Variants in KCND2 observed in about 807,000 individuals in gnomAD.
The protein encoded by KCND2 is potassium voltage-gated channel subfamily D member 2, also known as A-type voltage-gated potassium channel KCND2.
In KCND2, 16 loss-of-function variants were observed where a neutral mutation model predicts 54.4. The ratio of observed to expected loss-of-function variants is 0.29; its 90% CI spans 0.20 to 0.45. The LOEUF (loss-of-function observed/expected upper bound fraction) is 0.45, where lower values mean the gene tolerates loss of function less well. Among genes scored for constraint, KCND2 ranks in the 20% least tolerant of loss-of-function variants. KCND2 has a pLI of 1.00. For missense variants in KCND2, 486 were observed against 824.2 expected, an observed-to-expected ratio of 0.59 and a Z score of 5.02; for synonymous variants, 317 against 310.7, an observed-to-expected ratio of 1.02 and a Z score of -0.21.
At chr7:120,644,598 A>T (rs1477724462) in intron 1 of KCND2, among the ~76,000 whole-genome samples, 1 of 152,194 alleles carries the variant, frequency 6.6e-6, no homozygotes, top group African/African-American at 2.4e-5. Flanking sequence ...ACTAGTATAA[A>T]TATTCCCCCT....
At chr7:120,675,596 T>C (rs556803940) in intron 1 of KCND2, among the ~76,000 whole-genome samples, 35 of 152,194 alleles carry the variant, frequency 2.3e-4, no homozygotes, top group African/African-American at 7.9e-4. Context: ...CCCAATTCTC[T>C]GGAATACGTA....
chr7:120,631,655 T>C (rs1793235369), intron 1 of KCND2, among the ~76,000 whole-genome samples: 1 of 152,252 alleles, frequency 6.6e-6, no homozygotes, highest in East Asian at 1.9e-4. Context: ...ACAACTGTCA[T>C]TTGAACTGCA....
intron 1 of KCND2, among the ~76,000 whole-genome samples, chr7:120,405,146 G>T (rs1352204987): frequency 6.6e-6 from 1 of 151,528 alleles, no homozygotes; most frequent in Non-Finnish European, 1.5e-5. Flanking sequence ...TTTTTCAAAG[G>T]GGCCAGAATT....
At chr7:120,443,448 A>G (rs994766131) in intron 1 of KCND2, among the ~76,000 whole-genome samples, 115 of 151,814 alleles carry the variant, frequency 7.6e-4, no homozygotes, top group African/African-American at 2.7e-3. Context: ...GCCTCTTTCC[A>G]TGGAGACATT....
At chr7:120,303,839 C>A (rs986320365) in intron 1 of KCND2, among the ~76,000 whole-genome samples, 2 of 152,122 alleles carry the variant, frequency 1.3e-5, no homozygotes, top group Admixed American at 6.6e-5. Context: ...AAATATTGAA[C>A]TGACCAACAA....
intron 1 of KCND2, among the ~76,000 whole-genome samples, chr7:120,500,056 A>T (rs1348394618): frequency 6.6e-6 from 1 of 152,218 alleles, no homozygotes; most frequent in Admixed American, 6.5e-5. Flanking sequence ...CATCTTCATG[A>T]AATTATATAT....
chr7:120,353,945 C>A (rs2116389202), intron 1 of KCND2, among the ~76,000 whole-genome samples: 1 of 152,218 alleles, frequency 6.6e-6, no homozygotes, highest in East Asian at 1.9e-4. Context: ...AATGTGGATG[C>A]AGCAAAAGTT....
chr7:120,497,337 A>G (rs1464567626), intron 1 of KCND2, among the ~76,000 whole-genome samples: 1 of 152,196 alleles, frequency 6.6e-6, no homozygotes, highest in Non-Finnish European at 1.5e-5. Flanking sequence ...CAATATGGCC[A>G]CAACTGGGAA....
intron 1 of KCND2, among the ~76,000 whole-genome samples, chr7:120,419,675 TATATACATATTAC>T (rs1801581553): frequency 6.6e-6 from 1 of 152,210 alleles, no homozygotes; most frequent in South Asian, 2.1e-4. Flanking sequence ...TATATATGCA[TATATACATATTAC>T]ACATGATGTA....
intron 1 of KCND2, among the ~76,000 whole-genome samples, chr7:120,324,684 G>C (rs1799946737): frequency 6.6e-6 from 1 of 151,128 alleles, no homozygotes; most frequent in African/African-American, 2.4e-5. Flanking sequence ...CCAGTACCAT[G>C]CTGTTTTGGT....
chr7:120,638,443 A>G (rs530701277), intron 1 of KCND2, among the ~76,000 whole-genome samples: 1 of 152,310 alleles, frequency 6.6e-6, no homozygotes, highest in African/African-American at 2.4e-5. Flanking sequence ...AAGACTAATT[A>G]GGAAAAAGCA....
chr7:120,310,037 C>T (rs148852055), intron 1 of KCND2, among the ~76,000 whole-genome samples: 2 of 152,142 alleles, frequency 1.3e-5, no homozygotes, highest in East Asian at 1.9e-4. Flanking sequence ...CTGACTCCCT[C>T]AAGAGGGAAC....
intron 1 of KCND2, among the ~76,000 whole-genome samples, chr7:120,625,602 T>C (rs757329757): frequency 5.3e-5 from 8 of 152,112 alleles, no homozygotes; most frequent in Non-Finnish European, 1.0e-4. Context: ...TTGGGAGTTA[T>C]TACTTGTGGA....
chr7:120,599,710 T>C (rs546165804), intron 1 of KCND2, among the ~76,000 whole-genome samples: 2 of 152,146 alleles, frequency 1.3e-5, no homozygotes, highest in East Asian at 3.9e-4. Context: ...TTTGTAGATT[T>C]TTGACATTTT....
At chr7:120,511,958 T>G (rs950899335) in intron 1 of KCND2, among the ~76,000 whole-genome samples, 1 of 152,116 alleles carries the variant, frequency 6.6e-6, no homozygotes, top group Non-Finnish European at 1.5e-5. Context: ...CCAGTTATGC[T>G]TCCTTTTCAT....
chr7:120,740,881 A>T (rs1792932238), intron 2 of KCND2: 1 of 455,104 alleles, frequency 2.2e-6, no homozygotes, highest in Non-Finnish European at 4.4e-6. Flanking sequence ...TAGACAAAGT[A>T]GATAAATTCA....
At chr7:120,622,373 A>G (rs930779614) in intron 1 of KCND2, among the ~76,000 whole-genome samples, 36 of 152,140 alleles carry the variant, frequency 2.4e-4, no homozygotes, top group African/African-American at 8.4e-4. Context: ...CTGCTGTTTC[A>G]GAATAGATAT....
At chr7:120,405,946 A>G (rs1365086217) in intron 1 of KCND2, among the ~76,000 whole-genome samples, 2 of 152,186 alleles carry the variant, frequency 1.3e-5, no homozygotes, top group East Asian at 3.9e-4. Flanking sequence ...GGTATTGGTT[A>G]GTGATTTTTT....
At chr7:120,714,095 G>A (rs1162037928) in intron 1 of KCND2, among the ~76,000 whole-genome samples, 1 of 152,084 alleles carries the variant, frequency 6.6e-6, no homozygotes, top group South Asian at 2.1e-4. Flanking sequence ...AATGATAATC[G>A]ATATACAATT....
Sources: allele counts gnomAD v4.1 joint callset (sites outside exome capture counted in the v4.1 genomes callset), GRCh38; gene constraint gnomAD v4.1.1; transcripts MANE v1.5; gene names NCBI Gene and HGNC (gene_info 2026-07-23, HGNC 2026-07-21).